ENDOV: variants seen among roughly 807,000 people sequenced by gnomAD.
ENDOV encodes endonuclease V.
In ENDOV, 37 loss-of-function variants were observed where a neutral mutation model predicts 39.4. The observed-to-expected ratio is 0.94, with a 90% confidence interval of 0.72 to 1.23. The LOEUF is 1.23. Among genes scored for constraint, ENDOV ranks in the 50% most tolerant of loss-of-function variants. The pLI is 0.00. For missense variants in ENDOV, 441 were observed against 375.7 expected (o/e 1.17, Z -1.44); for synonymous variants, 186 against 163.4 (o/e 1.14, Z -1.05).
At chr17:80,415,350 G>T in intron 1 of ENDOV, 100 bp downstream of exon 1, 1 of 1,398,310 alleles carries the variant, frequency 7.2e-7, no homozygotes. Flanking sequence ...AATCGGAGCT[G>T]CCACCGCCCG....
In ENDOV at chr17:80,436,354, A is replaced by G; in HGVS notation, c.*211A>G. ...AGCACACGTCCTTGTCTTGTTCCTG[A>G]TCTTAAGGGAACGTTTGCAGTCTTT... is the stretch of plus-strand genomic sequence containing the variant. On this transcript the variant is annotated 3_prime_UTR_variant, in exon 10 of 10. Coordinates refer to ENST00000518137, the MANE Select transcript of ENDOV (RefSeq NM_173627.5). 6.6e-7 allele frequency: 1 copy of G among 1,516,704 alleles called. No homozygotes were observed. Among genetic ancestry groups the G allele is most frequent in the Non-Finnish European group, 8.8e-7 (1 of 1,132,002 alleles). 94.0% of individuals were successfully genotyped at this position (1,516,704 alleles called of 1,614,324 possible).
At chr17:80,424,642 C>T (rs749221918) in intron 5 of ENDOV, among the ~76,000 whole-genome samples, 4 of 152,170 alleles carry the variant, frequency 2.6e-5, no homozygotes, top group African/African-American at 4.8e-5. Context: ...TTTCCTGGCC[C>T]AGTGACTGGG....
chr17:80,430,412 T>C, intron 9 of ENDOV: 1 of 1,464,178 alleles, frequency 6.8e-7, no homozygotes. Context: ...TTGATCTCTT[T>C]ACCCTGAGGT....
At chr17:80,428,924 C>T (rs1444306633) in intron 8 of ENDOV, among the ~76,000 whole-genome samples, 1 of 152,214 alleles carries the variant, frequency 6.6e-6, no homozygotes, top group Non-Finnish European at 1.5e-5. Flanking sequence ...TGGTCCAAGC[C>T]CTACCTCCCA....
chr17:80,432,231 C>T (rs976325028), intron 9 of ENDOV, among the ~76,000 whole-genome samples: 3 of 152,088 alleles, frequency 2.0e-5, no homozygotes, highest in African/African-American at 7.2e-5. Context: ...GTCTCTTGCC[C>T]AGCGGTGGAC....
At chr17:80,427,495 T>C in intron 7 of ENDOV, 1 of 985,378 alleles carries the variant, frequency 1.0e-6, no homozygotes, top group Non-Finnish European at 1.2e-6. Flanking sequence ...GCCTGCCAAA[T>C]CCTGGGCCCA....
At chr17:80,425,136 C>G (rs543915898) in intron 6 of ENDOV, 36 bp downstream of exon 6, 1 of 1,564,720 alleles carries the variant, frequency 6.4e-7, no homozygotes, top group East Asian at 2.3e-5. Context: ...TCCAAAGCCC[C>G]GGGGTAGGGG....
chr17:80,426,734 G>A (rs41300760), intron 7 of ENDOV, among the ~76,000 whole-genome samples: 7,442 of 152,358 alleles, frequency 0.049, 203 homozygotes, highest in Middle Eastern at 0.068. Flanking sequence ...GTGGGAGCCC[G>A]TGAGCATCTT....
chr17:80,419,409 G>A (rs1229482040), intron 2 of ENDOV: 2 of 600,742 alleles, frequency 3.3e-6, no homozygotes, highest in African/African-American at 3.7e-5. Flanking sequence ...TGGCTGGTGT[G>A]TGCTGCTCCG....
intron 4 of ENDOV, among the ~76,000 whole-genome samples, chr17:80,422,738 C>T (rs1254606305): frequency 1.3e-5 from 2 of 151,914 alleles, no homozygotes; most frequent in African/African-American, 4.8e-5. Flanking sequence ...CTCGCTCTGT[C>T]GCCCAGGCTG....
intron 2 of ENDOV, 163 bp downstream of exon 2, chr17:80,415,984 T>G: frequency 1.2e-6 from 1 of 823,040 alleles, no homozygotes; most frequent in Non-Finnish European, 1.8e-6. Context: ...ACGCCTGCAA[T>G]CCCAGCACTT....
Position 80,415,759 on chromosome 17 carries a change from G to C in ENDOV, c.166G>C (p.Val56Leu), listed in dbSNP as rs763776226. ...GGTCGGGGGCGTTGACGTGTCCTTC[G>C]TGAAAGGGGACAGTGTCCGCGCTTG... ...QRVGGVDVSF[V>L]KGDSVRACAS... The change falls in exon 2 of 10, where the codon GTG becomes CTG. Residue 56 changes from valine to leucine, a missense_variant. Val to Leu is a conservative substitution (Grantham distance 32). Transcript: ENST00000518137. 1.2e-6 allele frequency: 2 copies of C among 1,605,858 alleles called. No homozygotes were observed. The highest frequency in any genetic ancestry group is 1.1e-5 in the South Asian group (1 of 89,408).
chr17:80,433,302 G>A, intron 9 of ENDOV: 2 of 488,124 alleles, frequency 4.1e-6, no homozygotes, highest in South Asian at 3.0e-5. Context: ...GGGCTCAGCA[G>A]GGAGCCTTGG....
intron 2 of ENDOV, chr17:80,419,393 G>A (rs936631369): frequency 1.4e-5 from 8 of 565,746 alleles, no homozygotes; most frequent in Non-Finnish European, 2.5e-5. Context: ...GCCAGATGCT[G>A]AGCCATGGCT....
chr17:80,420,905 A>T (rs983851725), intron 2 of ENDOV, among the ~76,000 whole-genome samples: 3 of 152,178 alleles, frequency 2.0e-5, no homozygotes, highest in African/African-American at 7.2e-5. Flanking sequence ...TTGAACTCCC[A>T]ACCTCAGGTG....
At chr17:80,427,849 A>G (rs1599431461) in intron 7 of ENDOV, 1 of 1,276,372 alleles carries the variant, frequency 7.8e-7, no homozygotes, top group Non-Finnish European at 1.0e-6. Flanking sequence ...CTCCAGGGGA[A>G]GGTGAGAGGT....
rs1282291305 is a variant in ENDOV at position 80,426,986 on chromosome 17, C to T, written c.714+1366C>T. On this transcript the variant is annotated intron_variant, in intron 7 of 9. Coordinates refer to ENST00000518137, the MANE Select transcript of ENDOV (RefSeq NM_173627.5). ...GCCTGCCCTGGGGCAGCCGCAGCAC[C>T]GGTGGAAAACCCCCAGGCCACCACC... Among the ~76,000 whole-genome samples the T allele has an allele frequency of 2.6e-5, 4 of 152,368 alleles. No homozygotes were observed. The East Asian group carries it at 7.7e-4, about 29-fold the overall frequency.
At chr17:80,429,976 C>A in intron 9 of ENDOV, 145 bp downstream of exon 9, 1 of 1,546,424 alleles carries the variant, frequency 6.5e-7, no homozygotes, top group Non-Finnish European at 8.7e-7. Flanking sequence ...CCCGTTCTGG[C>A]CTCAGGACAC....
In ENDOV at chr17:80,415,793, T is replaced by A. The variant is rs1371356550; in HGVS notation, c.200T>A (p.Leu67Gln). 1.9e-6 allele frequency: 3 copies of A among 1,601,666 alleles called. No individual in the cohort carries two copies. In the Admixed American group the frequency reaches 5.1e-5, roughly 27 times the overall value. The stretch of plus-strand genomic sequence containing the variant: ...GACAGTGTCCGCGCTTGTGCTTCCC[T>A]GGTGGTGCTCAGCTTCCCTGAGCTC... Reference protein sequence around the residue: ...KGDSVRACASLVVLSFPELEV... With the variant: ...KGDSVRACASQVVLSFPELEV... The change falls in exon 2 of 10, where the codon CTG (leucine) becomes CAG (glutamine). Residue 67 changes from leucine to glutamine, a missense_variant. Transcript: ENST00000518137.
Sources: gnomAD v4.1 joint callset for allele counts (sites outside exome capture counted in the v4.1 genomes callset) on GRCh38, gnomAD v4.1.1 for gene constraint, MANE v1.5 for transcripts, NCBI Gene and HGNC (gene_info 2026-07-23, HGNC 2026-07-21) for gene names.